MERTK: variants seen among roughly 807,000 people sequenced by gnomAD.
MERTK encodes the protein tyrosine-protein kinase Mer.
MERTK carries 69 observed loss-of-function variants against 99.3 expected under a neutral mutation model. The ratio of observed to expected loss-of-function variants is 0.70; its 90% CI spans 0.57 to 0.85. The LOEUF is 0.85. Among genes scored for constraint, MERTK ranks in the 40% least tolerant of loss-of-function variants. The pLI is 0.00. For missense variants in MERTK, 1,125 were observed against 1,249.4 expected (o/e 0.90, Z 1.50); for synonymous variants, 426 against 467.6 (o/e 0.91, Z 1.15).
intron 2 of MERTK, among the ~76,000 whole-genome samples, chr2:111,935,560 C>CTCTG (rs1318430838): frequency 6.6e-6 from 1 of 151,874 alleles, no homozygotes; most frequent in Non-Finnish European, 1.5e-5. Context: ...ATCCCATGTA[C>CTCTG]TCTGGAAAGA....
intron 1 of MERTK, among the ~76,000 whole-genome samples, chr2:111,917,543 T>G (rs933221067): frequency 6.6e-6 from 1 of 152,232 alleles, no homozygotes; most frequent in Non-Finnish European, 1.5e-5. Flanking sequence ...CTAGCCAGTC[T>G]GCCTGCTTCT....
At chr2:111,973,797 G>A (rs1287844382) in intron 6 of MERTK, among the ~76,000 whole-genome samples, 1 of 152,088 alleles carries the variant, frequency 6.6e-6, no homozygotes, top group African/African-American at 2.4e-5. Context: ...TGCGAGGAAA[G>A]AGATGGAAGT....
chr2:111,997,551 G>T (rs1006359618), intron 10 of MERTK, 75 bp downstream of exon 10: 1 of 1,546,790 alleles, frequency 6.5e-7, no homozygotes, highest in African/African-American at 1.4e-5. Flanking sequence ...TGCCTTTCCT[G>T]TTGGGCCAGC....
intron 3 of MERTK, among the ~76,000 whole-genome samples, chr2:111,945,292 G>A (rs1054404522): frequency 6.6e-6 from 1 of 152,192 alleles, no homozygotes; most frequent in African/African-American, 2.4e-5. Flanking sequence ...GGCATTACAG[G>A]TGAGATAAAA....
At chr2:112,010,533 C>T (rs1237987961) in intron 15 of MERTK, among the ~76,000 whole-genome samples, 1 of 152,098 alleles carries the variant, frequency 6.6e-6, no homozygotes, top group Admixed American at 6.5e-5. Flanking sequence ...ATTTTACTCC[C>T]TATGTTGACT....
Position 112,028,731 on chromosome 2 carries a change from T to C in MERTK, c.2867T>C (p.Val956Ala). ...SAAVTAEKNS[V>A]LPGERLVRNG... ...GCAGTCACAGCTGAAAAGAACAGTG[T>C]TTTACCGGGGGAGAGACTTGTTAGG... The change falls in exon 19 of 19, where the codon GTT (valine) becomes GCT (alanine). Residue 956 changes from valine (V) to alanine (A), a missense_variant. Transcript: ENST00000295408. The C allele has an allele frequency of 6.2e-7, 1 of 1,614,102 alleles. No individual in the cohort carries two copies. The highest frequency in any genetic ancestry group is 8.5e-7 in the Non-Finnish European group (1 of 1,180,014).
chr2:112,022,320 C>T lies in MERTK; in HGVS notation c.2412C>T (p.Val804=), dbSNP rs1361407314. ...GGGGAATGACTCCCTATCCTGGGGT[C>T]CAGAACCATGAGATGTATGACTATC... The part of the protein sequence containing the change: ...ATRGMTPYPG[V]QNHEMYDYLL... Residue 804 remains valine, a synonymous_variant, in exon 18 of 19, where the codon GTC becomes GTT. Coordinates refer to ENST00000295408, the MANE Select transcript of MERTK (RefSeq NM_006343.3). The T allele has an allele frequency of 6.2e-7, 1 of 1,614,194 alleles. No individual in the cohort carries two copies.
At chr2:112,027,471 C>T (rs1677490949) in intron 18 of MERTK, among the ~76,000 whole-genome samples, 1 of 152,124 alleles carries the variant, frequency 6.6e-6, no homozygotes, top group Non-Finnish European at 1.5e-5. Context: ...TAATTGTCAT[C>T]TGTCTTACTG....
chr2:112,002,512 T>A (rs1254709256), intron 11 of MERTK, among the ~76,000 whole-genome samples: 1 of 152,202 alleles, frequency 6.6e-6, no homozygotes, highest in Non-Finnish European at 1.5e-5. Flanking sequence ...CCTACATGAA[T>A]CTGATTACCG....
Position 111,944,614 on chromosome 2 carries a change from C to G in MERTK, c.483-346C>G, listed in dbSNP as rs112977309. On this transcript the variant is annotated intron_variant, in intron 2 of 18. Transcript: ENST00000295408. ...CCCATGAAAGACTTGATGTTGCAGT[C>G]TTGAGTCCTCAGGCAGTTTGGAAAC... is the stretch of plus-strand genomic sequence containing the variant. Among the ~76,000 whole-genome samples the G allele has an allele frequency of 5.5e-3, 16 of 2,920 alleles. No homozygotes were observed. In the African/African-American group the frequency reaches 0.068, roughly 12 times the overall value. The allele number at this position is 2,920 out of a possible 152,430, so 1.9% of individuals were successfully genotyped here. A position where few individuals can be genotyped will look rare whatever the true frequency, so the allele number is the denominator to read the frequency against.
In MERTK at chr2:111,964,043, C is replaced by CTTTTTTTTT. The variant is rs56693776; in HGVS notation, c.758-1144_758-1136dup. 1.5e-3 allele frequency among the ~76,000 whole-genome samples: 159 copies of CTTTTTTTTT among 103,866 alleles called. 6 individuals carry two copies. The highest frequency in any genetic ancestry group is 5.1e-3 in the African/African-American group (144 of 28,152). 68.1% of individuals were successfully genotyped at this position (103,866 alleles called of 152,430 possible). ...GTTTCTCCACTCAAAAATTTTCTTT[C>CTTTTTTTTT]TTTTTTTTTTTTGCTCTTTCCATAA... is the stretch of plus-strand genomic sequence containing the variant. On this transcript the variant is annotated intron_variant, in intron 4 of 18. Transcript: ENST00000295408.
At chr2:112,020,536 G>A (rs768287440) in intron 16 of MERTK, 13 of 467,534 alleles carry the variant, frequency 2.8e-5, no homozygotes, top group South Asian at 1.6e-4. Context: ...TCTTGTGTAG[G>A]AGCTGTTTTA....
intron 1 of MERTK, among the ~76,000 whole-genome samples, chr2:111,911,402 T>A (rs1333362618): frequency 6.6e-6 from 1 of 152,120 alleles, no homozygotes; most frequent in African/African-American, 2.4e-5. Flanking sequence ...TTCTTTCTTT[T>A]TTTTGAGACA....
At chr2:111,918,592 G>A (rs911880121) in intron 1 of MERTK, among the ~76,000 whole-genome samples, 22 of 152,218 alleles carry the variant, frequency 1.4e-4, no homozygotes, top group Admixed American at 6.5e-4. Flanking sequence ...GAAACCTTTG[G>A]TTAAGTAAAC....
chr2:111,916,812 C>T (rs2104672376), intron 1 of MERTK, among the ~76,000 whole-genome samples: 1 of 152,208 alleles, frequency 6.6e-6, no homozygotes, highest in South Asian at 2.1e-4. Flanking sequence ...TTCTGTTTTA[C>T]CTGTTTTCCT....
chr2:111,969,193 CAG>C (rs1676025329), intron 6 of MERTK, among the ~76,000 whole-genome samples: 1 of 152,162 alleles, frequency 6.6e-6, no homozygotes, highest in Non-Finnish European at 1.5e-5. Flanking sequence ...TAAGGGACCA[CAG>C]GGGCTTTGCA....
intron 7 of MERTK, among the ~76,000 whole-genome samples, chr2:111,977,350 T>C (rs1419598829): frequency 2.0e-5 from 3 of 152,202 alleles, no homozygotes; most frequent in Non-Finnish European, 4.4e-5. Context: ...AGCTTTTGTT[T>C]GTTTGTTTTT....
Position 111,963,055 on chromosome 2 carries a change from G to C in MERTK, c.758-2136G>C, listed in dbSNP as rs185457945. Among the ~76,000 whole-genome samples, 980 of 152,236 alleles carry C rather than the reference G, an allele frequency of 6.4e-3. 12 individuals carry two copies. Among genetic ancestry groups the C allele is most frequent in the African/African-American group, 0.023 (944 of 41,518 alleles). On this transcript the variant is annotated intron_variant, in intron 4 of 18. Coordinates refer to ENST00000295408, the MANE Select transcript of MERTK (RefSeq NM_006343.3). ...GGTGTTTCTCGGAGAGGGGGATGTG[G>C]CAGGGTCATAGGATAATAGTGGAGA... is the stretch of plus-strand genomic sequence containing the variant.
At chr2:111,905,688 C>T (rs576995256) in intron 1 of MERTK, among the ~76,000 whole-genome samples, 19 of 152,152 alleles carry the variant, frequency 1.2e-4, no homozygotes, top group African/African-American at 3.4e-4. Context: ...TGGCTGGTCT[C>T]GAACTCCTGG....
Sources: allele counts gnomAD v4.1 joint callset (sites outside exome capture counted in the v4.1 genomes callset), GRCh38; gene constraint gnomAD v4.1.1; transcripts MANE v1.5; gene names NCBI Gene and HGNC (gene_info 2026-07-23, HGNC 2026-07-21).